RNF150: variants seen among roughly 807,000 people sequenced by gnomAD.
The protein encoded by RNF150 is ring finger protein 150.
A neutral mutation model predicts 39.3 loss-of-function variants in RNF150; 24 were observed. That is an observed-to-expected ratio of 0.61 (90% CI 0.44 to 0.86). The LOEUF (loss-of-function observed/expected upper bound fraction) is 0.86. RNF150 is among the 40% of genes least tolerant of loss of function. RNF150 has a pLI of 0.00. For synonymous variants in RNF150, 255 were observed against 227.3 expected, an observed-to-expected ratio of 1.12 and a Z score of -1.10; for missense variants, 502 against 587.8, an observed-to-expected ratio of 0.85 and a Z score of 1.51.
chr4:141,106,702 G>A (rs1468501071), intron 1 of RNF150, among the ~76,000 whole-genome samples: 3 of 152,114 alleles, frequency 2.0e-5, no homozygotes, highest in South Asian at 2.1e-4. Context: ...GGTGAGGCAG[G>A]AGAATTGCTT....
At chr4:141,185,427 G>C (rs749856697) in intron 1 of RNF150, among the ~76,000 whole-genome samples, 7 of 151,902 alleles carry the variant, frequency 4.6e-5, no homozygotes, top group African/African-American at 9.7e-5. Context: ...AGGAGACTTA[G>C]GGCTGAGACA....
At chr4:141,170,633 C>T (rs1326002021) in intron 1 of RNF150, among the ~76,000 whole-genome samples, 2 of 152,080 alleles carry the variant, frequency 1.3e-5, no homozygotes, top group Non-Finnish European at 2.9e-5. Context: ...TCATAACTTT[C>T]ATTTCGACCT....
At chr4:140,870,285 C>G (rs1728877238) in intron 6 of RNF150, among the ~76,000 whole-genome samples, 1 of 152,162 alleles carries the variant, frequency 6.6e-6, no homozygotes, top group Non-Finnish European at 1.5e-5. Flanking sequence ...ACCCTGGAAG[C>G]AGCTCTATAA....
intron 1 of RNF150, among the ~76,000 whole-genome samples, chr4:141,055,077 G>A (rs947184854): frequency 4.6e-5 from 7 of 152,106 alleles, no homozygotes; most frequent in Non-Finnish European, 8.8e-5. Context: ...AATAAAAAGT[G>A]GTTTGGAAGG....
chr4:141,027,926 G>GTTTTTTTTTTTT (rs61543533), intron 1 of RNF150, among the ~76,000 whole-genome samples: 7 of 69,126 alleles, frequency 1.0e-4, no homozygotes, highest in Non-Finnish European at 1.6e-4. Flanking sequence ...TTTTTTTTTT[G>GTTTTTTTTTTTT]TTTTTTTTTT....
intron 1 of RNF150, among the ~76,000 whole-genome samples, chr4:141,087,522 TTC>T (rs35393709): frequency 0.76 from 115,505 of 151,964 alleles, 44,566 homozygotes; most frequent in East Asian, 1. Context: ...TACCTTTTCT[TTC>T]TCTTTTTCCC....
At position 140,999,985 on chromosome 4, in the gene RNF150, A is replaced by AGAAAAG. The variant is rs374509935; in HGVS notation, c.485-32113_485-32112insCTTTTC. Among the ~76,000 whole-genome samples the AGAAAAG allele has an allele frequency of 5.1e-5, 2 of 38,952 alleles. 1 individual carries two copies. The highest frequency in any genetic ancestry group is 1.1e-4 in the Non-Finnish European group (2 of 17,564). The allele number at this position is 38,952 out of a possible 152,430, so 25.6% of individuals were successfully genotyped here. ...GAAGAAGAAGAAGAAGAAAAGAAGA[A>AGAAAAG]AAGAAGAAAAGAAGAAGAAGAAGAA... On this transcript the variant is annotated intron_variant, in intron 1 of 6. Coordinates refer to ENST00000515673, the MANE Select transcript of RNF150 (RefSeq NM_020724.2).
chr4:140,952,410 C>T (rs868335923), intron 2 of RNF150, among the ~76,000 whole-genome samples: 5 of 152,156 alleles, frequency 3.3e-5, no homozygotes, highest in Admixed American at 6.5e-5. Context: ...ATATGCCCTT[C>T]TTAAATGTGG....
At chr4:141,041,310 A>C (rs1382896397) in intron 1 of RNF150, among the ~76,000 whole-genome samples, 1 of 152,166 alleles carries the variant, frequency 6.6e-6, no homozygotes, top group Non-Finnish European at 1.5e-5. Flanking sequence ...GGCAATAATG[A>C]AATGTAAACA....
chr4:141,124,918 T>C (rs1281789872), intron 1 of RNF150, among the ~76,000 whole-genome samples: 1 of 152,164 alleles, frequency 6.6e-6, no homozygotes, highest in Admixed American at 6.5e-5. Flanking sequence ...TGTTCACAAA[T>C]TGAATATGAA....
intron 1 of RNF150, among the ~76,000 whole-genome samples, chr4:140,992,477 G>C (rs1054368241): frequency 1.3e-5 from 2 of 152,130 alleles, no homozygotes; most frequent in African/African-American, 2.4e-5. Flanking sequence ...TTCTTTCTGG[G>C]GCAGGCTTGG....
chr4:140,898,544 A>C (rs1352598518), intron 6 of RNF150, among the ~76,000 whole-genome samples: 2 of 152,274 alleles, frequency 1.3e-5, no homozygotes, highest in Non-Finnish European at 2.9e-5. Context: ...ATATGCATAT[A>C]TGAACATGTT....
intron 1 of RNF150, among the ~76,000 whole-genome samples, chr4:141,023,521 T>C (rs553453079): frequency 6.6e-6 from 1 of 151,832 alleles, no homozygotes; most frequent in East Asian, 1.9e-4. Context: ...CCCAAAGTGC[T>C]GGGATTACAG....
chr4:141,005,844 G>A (rs1238897073), intron 1 of RNF150, among the ~76,000 whole-genome samples: 7 of 130,168 alleles, frequency 5.4e-5, no homozygotes, highest in African/African-American at 2.0e-4. Flanking sequence ...CGAGGCGGGC[G>A]GATCACGAGG....
At chr4:140,879,664 GA>G (rs59795475) in intron 6 of RNF150, among the ~76,000 whole-genome samples, 22,061 of 151,650 alleles carry the variant, frequency 0.15, 1,897 homozygotes, top group East Asian at 0.38. Context: ...CTCTACAGAT[GA>G]AAAAAAACTA....
chr4:140,911,005 G>C, intron 6 of RNF150, 139 bp downstream of exon 6: 2 of 699,808 alleles, frequency 2.9e-6, no homozygotes, highest in South Asian at 1.9e-5. Flanking sequence ...TCTTCTAACA[G>C]CTGGCAGTTA....
intron 1 of RNF150, among the ~76,000 whole-genome samples, chr4:140,991,165 T>C (rs1409433599): frequency 6.6e-6 from 1 of 152,234 alleles, no homozygotes; most frequent in Non-Finnish European, 1.5e-5. Context: ...TATCTGTTCA[T>C]TTCATTTGCC....
chr4:140,885,033 T>G (rs1039542694), intron 6 of RNF150, among the ~76,000 whole-genome samples: 1 of 152,090 alleles, frequency 6.6e-6, no homozygotes, highest in Admixed American at 6.5e-5. Flanking sequence ...ACACATTTCT[T>G]AAGTCCGTTG....
chr4:140,964,157 T>C (rs1259965150), intron 2 of RNF150, among the ~76,000 whole-genome samples: 1 of 152,092 alleles, frequency 6.6e-6, no homozygotes, highest in Non-Finnish European at 1.5e-5. Context: ...ATTAATATAG[T>C]TCTGCAACAC....
Sources: allele counts gnomAD v4.1 joint callset (sites outside exome capture counted in the v4.1 genomes callset), GRCh38; gene constraint gnomAD v4.1.1; transcripts MANE v1.5; gene names NCBI Gene and HGNC (gene_info 2026-07-23, HGNC 2026-07-21).